The following TBCD variants were observed in gnomAD, a reference collection of about 807,000 sequenced individuals.
TBCD encodes the protein tubulin-specific chaperone D.
In TBCD, 105 loss-of-function variants were observed where a neutral mutation model predicts 169.3. The ratio of observed to expected loss-of-function variants is 0.62; its 90% CI spans 0.53 to 0.73. TBCD has a LOEUF of 0.73. TBCD is among the 30% of genes least tolerant of loss of function. TBCD has a pLI of 0.00. For missense variants in TBCD, 1,444 were observed against 1,600.1 expected, an observed-to-expected ratio of 0.90 and a Z score of 1.66; for synonymous variants, 700 against 643.9, an observed-to-expected ratio of 1.09 and a Z score of -1.32.
In TBCD at chr17:82,791,804, C is replaced by T. The variant is rs985520985; in HGVS notation, c.772-5953C>T. Among the ~76,000 whole-genome samples, 5 of 152,170 alleles carry T rather than the reference C, an allele frequency of 3.3e-5. No homozygotes were observed. In the South Asian group the frequency reaches 6.2e-4, roughly 19 times the overall value. Reference sequence around the variant, plus strand: ...TGAGAACTGCGTCGTTGGGCAGTGTCGTCGTGTGAACACCGTAGCGTGCAC... The same window carrying T: ...TGAGAACTGCGTCGTTGGGCAGTGTTGTCGTGTGAACACCGTAGCGTGCAC... On this transcript the variant is annotated intron_variant, in intron 7 of 38. Transcript: ENST00000355528.
intron 10 of TBCD, 101 bp from the exon 11 acceptor site, chr17:82,807,507 C>T (rs575128378): frequency 1.9e-5 from 13 of 680,468 alleles, no homozygotes; most frequent in South Asian, 1.5e-4. Context: ...TAATTCCCTT[C>T]GGCGTGTGCA....
chr17:82,899,204 G>A (rs549271811), intron 17 of TBCD, among the ~76,000 whole-genome samples: 5 of 148,282 alleles, frequency 3.4e-5, no homozygotes, highest in African/African-American at 9.9e-5. Flanking sequence ...GCGCGTGTCC[G>A]CAGTGCGTCC....
intron 13 of TBCD, among the ~76,000 whole-genome samples, chr17:82,850,236 CTGTTGGCTGTGCTGT>C (rs2055631583): frequency 2.2e-4 from 20 of 92,790 alleles, no homozygotes; most frequent in Non-Finnish European, 2.6e-4. Context: ...GGCTGTGCTG[CTGTTGGCTGTGCTGT>C]TGTTGGCTGT....
At chr17:82,812,831 C>T (rs1024219771) in intron 12 of TBCD, among the ~76,000 whole-genome samples, 23 of 152,176 alleles carry the variant, frequency 1.5e-4, no homozygotes, top group Admixed American at 5.9e-4. Flanking sequence ...TGAGCCACCG[C>T]GCCCGGCTGT....
chr17:82,847,054 TCA>T (rs1048118199), intron 13 of TBCD, among the ~76,000 whole-genome samples: 20 of 152,294 alleles, frequency 1.3e-4, no homozygotes, highest in African/African-American at 4.8e-4. Context: ...ATTTGGTTTC[TCA>T]TTAAAAAGAA....
At chr17:82,842,393 C>G (rs952189211) in intron 13 of TBCD, among the ~76,000 whole-genome samples, 3 of 152,216 alleles carry the variant, frequency 2.0e-5, no homozygotes, top group African/African-American at 7.2e-5. Context: ...CTCTCCCCCT[C>G]TCTCCCTTCT....
intron 2 of TBCD, among the ~76,000 whole-genome samples, chr17:82,762,556 C>G (rs559229102): frequency 6.6e-6 from 1 of 152,076 alleles, no homozygotes; most frequent in South Asian, 2.1e-4. Flanking sequence ...CAAGACCAGC[C>G]TGGGCAACAT....
intron 2 of TBCD, among the ~76,000 whole-genome samples, chr17:82,757,273 G>C (rs1220941761): frequency 6.6e-6 from 1 of 152,174 alleles, no homozygotes; most frequent in Non-Finnish European, 1.5e-5. Context: ...GCGCACACGT[G>C]CCTCTTAAAG....
At chr17:82,804,060 C>T (rs2050771582) in intron 9 of TBCD, among the ~76,000 whole-genome samples, 1 of 131,572 alleles carries the variant, frequency 7.6e-6, no homozygotes, top group South Asian at 2.6e-4. Flanking sequence ...CCGGGGTGCA[C>T]CTGCCTGTAG....
chr17:82,926,625 C>A (rs1472392264), intron 28 of TBCD, 134 bp downstream of exon 28: 1 of 724,080 alleles, frequency 1.4e-6, no homozygotes, highest in Non-Finnish European at 2.3e-6. Context: ...TCCAGAGGAT[C>A]GTCAGTCCCA....
At chr17:82,918,782 T>C (rs1457788093) in intron 23 of TBCD, 1 of 152,252 alleles carries the variant, frequency 6.6e-6, no homozygotes, top group Admixed American at 6.5e-5. Context: ...AAAGTTCACA[T>C]GCAGGTGCAT....
intron 13 of TBCD, 36 bp downstream of exon 13, chr17:82,814,970 G>C: frequency 6.2e-7 from 1 of 1,608,186 alleles, no homozygotes; most frequent in Non-Finnish European, 8.5e-7. Context: ...GGGATGTCTG[G>C]CGCTGGCGGA....
At chr17:82,776,069 A>G (rs1357215880) in intron 6 of TBCD, among the ~76,000 whole-genome samples, 3 of 152,104 alleles carry the variant, frequency 2.0e-5, no homozygotes, top group Non-Finnish European at 4.4e-5. Flanking sequence ...ATACAAAAAA[A>G]TTAGCTGGGC....
chr17:82,808,097 C>T (rs780189643), intron 11 of TBCD, among the ~76,000 whole-genome samples: 1 of 152,146 alleles, frequency 6.6e-6, no homozygotes, highest in Non-Finnish European at 1.5e-5. Flanking sequence ...CTGTGGGAGT[C>T]GACATGCACC....
intron 8 of TBCD, among the ~76,000 whole-genome samples, chr17:82,800,436 G>T (rs932047564): frequency 6.6e-6 from 1 of 152,022 alleles, no homozygotes; most frequent in Non-Finnish European, 1.5e-5. Flanking sequence ...CTCCCCAGCC[G>T]CAGTGTGCTC....
At chr17:82,844,538 G>A (rs2054837618) in intron 13 of TBCD, among the ~76,000 whole-genome samples, 1 of 152,070 alleles carries the variant, frequency 6.6e-6, no homozygotes, top group Admixed American at 6.5e-5. Flanking sequence ...GGATCAGGGG[G>A]AGTCTGAGTT....
At position 82,905,867 on chromosome 17, in the gene TBCD, G is replaced by A. The variant is rs561762206; in HGVS notation, c.1805-69G>A. The A allele has an allele frequency of 2.2e-5, 28 of 1,277,050 alleles. No homozygotes were observed. In the Admixed American group the frequency reaches 4.2e-4, roughly 19 times the overall value. 79.1% of individuals were successfully genotyped at this position (1,277,050 alleles called of 1,614,324 possible). A position where few individuals can be genotyped will look rare whatever the true frequency, so the allele number is the denominator to read the frequency against. ...TGCCCTCCCGGCCCTGTGTGGGTGC[G>A]TGTGGGCTTCCCACAGGCCGTCCAC... On this transcript the variant is annotated intron_variant, in intron 19 of 38. Transcript: ENST00000355528.
chr17:82,818,106 C>T (rs1342543434), intron 13 of TBCD, among the ~76,000 whole-genome samples: 2 of 152,130 alleles, frequency 1.3e-5, no homozygotes, highest in Non-Finnish European at 2.9e-5. Context: ...GCAGCTGGGG[C>T]GAGAGGATAT....
At chr17:82,819,248 G>A (rs2052199516) in intron 13 of TBCD, among the ~76,000 whole-genome samples, 1 of 152,224 alleles carries the variant, frequency 6.6e-6, no homozygotes. Flanking sequence ...GTGATGCGAT[G>A]TTTGCCTGGA....
Sources: allele counts gnomAD v4.1 joint callset (sites outside exome capture counted in the v4.1 genomes callset), GRCh38; gene constraint gnomAD v4.1.1; transcripts MANE v1.5; gene names NCBI Gene and HGNC (gene_info 2026-07-23, HGNC 2026-07-21).